The following REG4 variants were observed in gnomAD, a reference collection of about 807,000 sequenced individuals.
REG4 encodes regenerating islet-derived protein 4.
Under a neutral mutation model 22.3 loss-of-function variants are expected in REG4, and 16 were observed. That is an observed-to-expected ratio of 0.72 (90% CI 0.49 to 1.09). REG4 has a LOEUF of 1.09. Ranked by LOEUF, REG4 falls within the 50% of genes least tolerant of loss-of-function variation. The pLI, the probability that REG4 is intolerant of heterozygous loss-of-function variation, is 0.00. For synonymous variants in REG4, 71 were observed against 69.2 expected (o/e 1.03, Z -0.13); for missense variants, 214 against 193.9 (o/e 1.10, Z -0.61).
chr1:119,809,603 T>C (rs900367091), intron 1 of REG4, among the ~76,000 whole-genome samples: 38 of 152,198 alleles, frequency 2.5e-4, no homozygotes, highest in Non-Finnish European at 2.9e-5. Context: ...TATAGTCCTA[T>C]AGCCTGGTTT....
At position 119,803,144 on chromosome 1, in the gene REG4, C is replaced by T; in HGVS notation, c.89G>A (p.Cys30Tyr). Residue 30 changes from cysteine to tyrosine, a missense_variant, in exon 3 of 6, where the codon TGT becomes TAT. Coordinates refer to ENST00000256585, the MANE Select transcript of REG4 (RefSeq NM_032044.4). ...CTTGTGGTAAAACCATCCAGGAGCA[C>T]AGCTGGGTCTCATGATGATATCTGC... ...VLGDIIMRPS[C>Y]APGWFYHKSN... 2.0e-6 allele frequency: 3 copies of T among 1,524,060 alleles called. No homozygotes were observed. The highest frequency in any genetic ancestry group is 2.6e-6 in the Non-Finnish European group (3 of 1,138,356). 94.4% of individuals were successfully genotyped at this position (1,524,060 alleles called of 1,614,324 possible).
intron 3 of REG4, among the ~76,000 whole-genome samples, chr1:119,800,606 G>A (rs981504718): frequency 1.3e-5 from 2 of 152,156 alleles, no homozygotes; most frequent in African/African-American, 4.8e-5. Context: ...AGCCTATATT[G>A]TGTTTATTTT....
At chr1:119,800,628 C>G (rs1283582669) in intron 3 of REG4, among the ~76,000 whole-genome samples, 4 of 152,138 alleles carry the variant, frequency 2.6e-5, no homozygotes, top group Non-Finnish European at 5.9e-5. Context: ...ATTATTATTA[C>G]CCTATATTAC....
chr1:119,796,288 A>T (rs920700247), intron 5 of REG4, among the ~76,000 whole-genome samples: 4 of 152,158 alleles, frequency 2.6e-5, no homozygotes, highest in Admixed American at 1.3e-4. Flanking sequence ...TGAATATGAA[A>T]TTTCTTTTCC....
intron 5 of REG4, among the ~76,000 whole-genome samples, chr1:119,797,492 A>G (rs6661517): frequency 0.41 from 62,175 of 151,976 alleles, 13,761 homozygotes; most frequent in East Asian, 0.77. Flanking sequence ...CCTGCTGGGG[A>G]TGACCAAGTC....
At chr1:119,808,328 A>AAT (rs1654387317) in intron 2 of REG4, among the ~76,000 whole-genome samples, 1 of 152,222 alleles carries the variant, frequency 6.6e-6, no homozygotes, top group Admixed American at 6.5e-5. Flanking sequence ...TGGAATCCCT[A>AAT]ATAATGCTCA....
intron 5 of REG4, among the ~76,000 whole-genome samples, chr1:119,797,862 C>T (rs907161761): frequency 6.6e-6 from 1 of 152,098 alleles, no homozygotes; most frequent in South Asian, 2.1e-4. Flanking sequence ...TACAGGATAG[C>T]CCCCACAACC....
intron 2 of REG4, among the ~76,000 whole-genome samples, chr1:119,806,383 T>C (rs1267188705): frequency 6.6e-6 from 1 of 152,216 alleles, no homozygotes; most frequent in Non-Finnish European, 1.5e-5. Context: ...GAAGACATCG[T>C]GTCCCAGGAT....
At chr1:119,805,724 C>T (rs1015802075) in intron 2 of REG4, among the ~76,000 whole-genome samples, 2 of 151,946 alleles carry the variant, frequency 1.3e-5, no homozygotes, top group Non-Finnish European at 2.9e-5. Flanking sequence ...TGTCTTTGTA[C>T]TCTCTCTTTT....
At chr1:119,794,930 C>T (rs1653891920) in intron 5 of REG4, among the ~76,000 whole-genome samples, 1 of 152,152 alleles carries the variant, frequency 6.6e-6, no homozygotes, top group East Asian at 1.9e-4. Flanking sequence ...GTGTGGGCCT[C>T]CTCCAATCAA....
Position 119,800,303 on chromosome 1 carries a change from C to T in REG4, c.166-441G>A, listed in dbSNP as rs116194317. ...AAATGTGCCATTATTTTGTGTCCCA[C>T]GAAGAAAGAAAATAAAATCACTGTC... On this transcript the variant is annotated intron_variant, in intron 3 of 5. Transcript: ENST00000256585. Among the ~76,000 whole-genome samples the T allele has an allele frequency of 3.2e-3, 492 of 152,250 alleles. 2 individuals are homozygous for T. Among genetic ancestry groups the T allele is most frequent in the Non-Finnish European group, 5.4e-3 (369 of 68,026 alleles).
chr1:119,794,217 T>C lies in REG4; in HGVS notation c.*401A>G, dbSNP rs369843810. The C allele has an allele frequency of 3.4e-4, 184 of 538,140 alleles. No homozygotes were observed. Among genetic ancestry groups the C allele is most frequent in the Non-Finnish European group, 6.5e-4 (171 of 263,428 alleles). The allele number at this position is 538,140 out of a possible 1,614,324, so 33.3% of individuals were successfully genotyped here. ...AGTGGCTGGGGTGGGGTGCAGGCAA[T>C]GGAGAGAGGGCAGAAGGGTGTAGAA... On this transcript the variant is annotated 3_prime_UTR_variant, in exon 6 of 6. Coordinates refer to ENST00000256585, the MANE Select transcript of REG4 (RefSeq NM_032044.4).
intron 3 of REG4, chr1:119,801,253 T>A (rs1274732563): frequency 6.6e-6 from 1 of 152,194 alleles, no homozygotes; most frequent in Admixed American, 6.5e-5. Context: ...TCAATAAAAT[T>A]TTAGTTCGGG....
chr1:119,795,636 C>T (rs1653915282), intron 5 of REG4, among the ~76,000 whole-genome samples: 1 of 152,226 alleles, frequency 6.6e-6, no homozygotes, highest in Non-Finnish European at 1.5e-5. Flanking sequence ...AGATCTGGCC[C>T]TGTTCCCAGT....
Position 119,794,761 on chromosome 1 carries a change from T to A in REG4, c.410-76A>T, listed in dbSNP as rs947270. 3 of 1,300,148 alleles carry A rather than the reference T, an allele frequency of 2.3e-6. No individual in the cohort carries two copies. The East Asian group carries it at 6.9e-5, about 30-fold the overall frequency. 80.5% of individuals were successfully genotyped at this position (1,300,148 alleles called of 1,614,324 possible). On this transcript the variant is annotated intron_variant, in intron 5 of 5. Coordinates refer to ENST00000256585, the MANE Select transcript of REG4 (RefSeq NM_032044.4). ...TGCCAGAGTTATCTGGGTGTTTTTCTTGGAAGCATAGATAAGGCAATATGA... is the reference window on the plus strand; with the variant it reads ...TGCCAGAGTTATCTGGGTGTTTTTCATGGAAGCATAGATAAGGCAATATGA...
intron 4 of REG4, among the ~76,000 whole-genome samples, chr1:119,799,012 G>C (rs909578527): frequency 1.3e-5 from 2 of 152,106 alleles, no homozygotes; most frequent in Non-Finnish European, 2.9e-5. Context: ...GATGTTTATA[G>C]ACAAGTACTA....
Position 119,808,844 on chromosome 1 carries a change from G to A in REG4, c.-75C>T. 5 of 1,094,922 alleles carry A rather than the reference G, an allele frequency of 4.6e-6. No homozygotes were observed. Among genetic ancestry groups the A allele is most frequent in the Non-Finnish European group, 6.9e-6 (5 of 728,436 alleles). The allele number at this position is 1,094,922 out of a possible 1,614,324, so 67.8% of individuals were successfully genotyped here. A position where few individuals can be genotyped will look rare whatever the true frequency, so the allele number is the denominator to read the frequency against. On this transcript the variant is annotated 5_prime_UTR_variant, in exon 2 of 6. Transcript: ENST00000256585. ...ACTAGCGCTTCTTTGAAACTCCTGG[G>A]TTCTCCTTGATCTGCAAATCTGAAC... is the stretch of plus-strand genomic sequence containing the variant.
chr1:119,799,223 A>G (rs1286364973), intron 4 of REG4, among the ~76,000 whole-genome samples: 1 of 152,178 alleles, frequency 6.6e-6, no homozygotes, highest in East Asian at 1.9e-4. Flanking sequence ...TCCTTACAAA[A>G]ACCACTCACG....
intron 1 of REG4, 69 bp from the exon 2 acceptor site, chr1:119,808,932 T>G: frequency 1.9e-6 from 1 of 535,312 alleles, no homozygotes; most frequent in Non-Finnish European, 3.3e-6. Context: ...TGGAGGAAAA[T>G]AATACAATAT....
Sources: gnomAD v4.1 joint callset for allele counts (sites outside exome capture counted in the v4.1 genomes callset) on GRCh38, gnomAD v4.1.1 for gene constraint, MANE v1.5 for transcripts, NCBI Gene and HGNC (gene_info 2026-07-23, HGNC 2026-07-21) for gene names.